MED26: variants seen among roughly 807,000 people sequenced by gnomAD.
MED26 encodes mediator complex subunit 26.
Under a neutral mutation model 43.7 loss-of-function variants are expected in MED26, and 7 were observed. That is an observed-to-expected ratio of 0.16 (90% CI 0.09 to 0.30). MED26 has a LOEUF of 0.30. Among genes scored for constraint, MED26 ranks in the 10% least tolerant of loss-of-function variants. The probability of loss-of-function intolerance (pLI) is 1.00; values close to 1 mark genes in which losing one functional copy is unlikely to be tolerated. For missense variants in MED26, 784 were observed against 840.6 expected, an observed-to-expected ratio of 0.93 and a Z score of 0.83; for synonymous variants, 375 against 371.1, an observed-to-expected ratio of 1.01 and a Z score of -0.12.
chr19:16,605,502 A>C (rs1391805275), intron 1 of MED26, among the ~76,000 whole-genome samples: 1 of 152,254 alleles, frequency 6.6e-6, no homozygotes, highest in African/African-American at 2.4e-5. Context: ...CAGTGGCAGC[A>C]GCACCTGGGG....
At chr19:16,589,101 G>A (rs1227256212) in intron 1 of MED26, 1 of 152,356 alleles carries the variant, frequency 6.6e-6, no homozygotes, top group Non-Finnish European at 1.5e-5. Context: ...CTTGGCTCAG[G>A]TCCAGGGCCA....
intron 1 of MED26, among the ~76,000 whole-genome samples, chr19:16,601,054 C>T (rs1192464429): frequency 6.6e-6 from 1 of 152,006 alleles, no homozygotes; most frequent in East Asian, 1.9e-4. Flanking sequence ...TGTGCTACTG[C>T]ACTCCAGCCC....
chr19:16,577,050 C>T lies in MED26; in HGVS notation c.780G>A (p.Pro260=), dbSNP rs149873799. 1.6e-5 allele frequency: 25 copies of T among 1,608,196 alleles called. No individual in the cohort carries two copies. The highest frequency in any genetic ancestry group is 5.0e-5 in the Admixed American group (3 of 59,862). ...GGGGTCCCTTGGGATGGGGAGGCCC[C>T]GGAGTCTCGTCCACCCTGTCCAGCT... ...LQQLDRVDET[P]GPPHPKGPPR... is the part of the protein sequence containing the mutation. The change falls in exon 3 of 3, where the codon CCG becomes CCA. Residue 260 remains proline (P), a synonymous_variant. Coordinates refer to ENST00000263390, the MANE Select transcript of MED26 (RefSeq NM_004831.5). This position sits in a 1 kb window ranked among gnomAD's most constrained non-coding sequence, Gnocchi z 8.1.
intron 1 of MED26, among the ~76,000 whole-genome samples, chr19:16,602,173 G>A (rs1157109670): frequency 1.3e-5 from 2 of 152,172 alleles, no homozygotes; most frequent in Admixed American, 6.5e-5. Context: ...GGCAGATCAC[G>A]CTGTACCCAT....
chr19:16,585,702 C>T (rs774539720), intron 1 of MED26, among the ~76,000 whole-genome samples: 24 of 152,204 alleles, frequency 1.6e-4, no homozygotes, highest in Admixed American at 3.3e-4. Flanking sequence ...CTGACCCCTC[C>T]GGAGTCCGGA....
chr19:16,614,505 T>A (rs1386671129), intron 1 of MED26, among the ~76,000 whole-genome samples: 1 of 149,310 alleles, frequency 6.7e-6, no homozygotes, highest in Non-Finnish European at 1.5e-5. Context: ...CCAGCCTGGG[T>A]GACAGAGTAA....
intron 1 of MED26, among the ~76,000 whole-genome samples, chr19:16,604,783 A>C (rs2086164780): frequency 6.6e-6 from 1 of 152,220 alleles, no homozygotes. Context: ...GGGGGCAGGG[A>C]ATGGCTCACA....
At chr19:16,584,948 C>T (rs1198254730) in intron 1 of MED26, among the ~76,000 whole-genome samples, 1 of 152,194 alleles carries the variant, frequency 6.6e-6, no homozygotes, top group African/African-American at 2.4e-5. Flanking sequence ...TTTCCAACTC[C>T]TCATAGTGGC....
rs1421525994 is a variant in MED26, at chr19:16,618,004, T to C, written c.72+9868A>G. On this transcript the variant is annotated intron_variant, in intron 1 of 2. Coordinates refer to ENST00000263390, the MANE Select transcript of MED26 (RefSeq NM_004831.5). ...GAAACACAAGGTGGGGTTGGGGAAA[T>C]GGAGGCTGCAAAAGAAAGATCACTT... Among the ~76,000 whole-genome samples, 5 of 151,894 alleles carry C rather than the reference T, an allele frequency of 3.3e-5. No homozygotes were observed. The East Asian group carries it at 9.6e-4, about 29-fold the overall frequency.
chr19:16,625,409 G>C (rs763194154), intron 1 of MED26, among the ~76,000 whole-genome samples: 1 of 152,184 alleles, frequency 6.6e-6, no homozygotes, highest in Non-Finnish European at 1.5e-5. Context: ...TCCTGACACC[G>C]ATTTTGCAAG....
At chr19:16,582,701 G>T (rs138300959) in intron 1 of MED26, among the ~76,000 whole-genome samples, 11 of 152,128 alleles carry the variant, frequency 7.2e-5, no homozygotes, top group African/African-American at 2.7e-4. Flanking sequence ...CAGGCCACAG[G>T]GGGAGGGCAG....
intron 1 of MED26, among the ~76,000 whole-genome samples, chr19:16,600,637 C>T (rs1037091309): frequency 7.9e-5 from 12 of 152,062 alleles, no homozygotes; most frequent in African/African-American, 2.9e-4. Context: ...CCCACTGACC[C>T]CAAGTGTAAG....
chr19:16,615,195 G>A (rs2086218521), intron 1 of MED26, among the ~76,000 whole-genome samples: 1 of 152,126 alleles, frequency 6.6e-6, no homozygotes, highest in African/African-American at 2.4e-5. Context: ...TGGAGGCTCT[G>A]GACCCTGAGA....
At chr19:16,606,116 C>A (rs1396378871) in intron 1 of MED26, among the ~76,000 whole-genome samples, 1 of 152,196 alleles carries the variant, frequency 6.6e-6, no homozygotes, top group Non-Finnish European at 1.5e-5. Context: ...CATCTGGAAT[C>A]CACACGCCTG....
chr19:16,582,196 C>T (rs980053014), intron 1 of MED26, among the ~76,000 whole-genome samples: 1 of 152,216 alleles, frequency 6.6e-6, no homozygotes. Flanking sequence ...GTGATGTCAG[C>T]AGAGCTAAGG....
intron 1 of MED26, among the ~76,000 whole-genome samples, chr19:16,600,629 C>G (rs770750955): frequency 1.3e-5 from 2 of 152,154 alleles, no homozygotes; most frequent in Non-Finnish European, 2.9e-5. Context: ...GCACCACCCC[C>G]ACTGACCCCA....
chr19:16,585,040 T>C (rs542267230), intron 1 of MED26, among the ~76,000 whole-genome samples: 1 of 152,306 alleles, frequency 6.6e-6, no homozygotes, highest in South Asian at 2.1e-4. Context: ...CACGTGAGCC[T>C]GTCTCAAGTC....
intron 1 of MED26, among the ~76,000 whole-genome samples, chr19:16,583,936 G>C (rs1327326048): frequency 6.6e-6 from 1 of 152,120 alleles, no homozygotes; most frequent in African/African-American, 2.4e-5. Flanking sequence ...GGGTGAACTG[G>C]GGCCACCAGC....
At chr19:16,608,406 T>C (rs1364941047) in intron 1 of MED26, among the ~76,000 whole-genome samples, 18 of 152,256 alleles carry the variant, frequency 1.2e-4, no homozygotes, top group Admixed American at 1.2e-3. Context: ...TGTATGGGCA[T>C]GGAGGACATG....
Sources: gnomAD v4.1 joint callset for allele counts (sites outside exome capture counted in the v4.1 genomes callset) on GRCh38, gnomAD v4.1.1 for gene constraint, Gnocchi (gnomAD v3.1) non-coding constraint, MANE v1.5 for transcripts, NCBI Gene and HGNC (gene_info 2026-07-23, HGNC 2026-07-21) for gene names.